ARHGAP44: variants seen among roughly 807,000 people sequenced by gnomAD.
ARHGAP44 encodes Rho GTPase activating protein 44.
Under a neutral mutation model 106.8 loss-of-function variants are expected in ARHGAP44, and 43 were observed. That is an observed-to-expected ratio of 0.40 (90% CI 0.32 to 0.52). The LOEUF (loss-of-function observed/expected upper bound fraction) is 0.52, where lower values mean the gene tolerates loss of function less well. ARHGAP44 is among the 20% of genes least tolerant of loss of function. ARHGAP44 has a pLI of 0.48. For synonymous variants in ARHGAP44, 439 were observed against 410.3 expected (o/e 1.07, Z -0.85); for missense variants, 866 against 1,050.5 (o/e 0.82, Z 2.43).
chr17:12,960,147 G>A (rs1302893846), intron 16 of ARHGAP44, among the ~76,000 whole-genome samples: 2 of 152,178 alleles, frequency 1.3e-5, no homozygotes, highest in African/African-American at 2.4e-5. Flanking sequence ...TGTGGCAGAT[G>A]GGAGTTGTTT....
chr17:12,914,746 A>G (rs1291023201), intron 4 of ARHGAP44, among the ~76,000 whole-genome samples: 1 of 151,030 alleles, frequency 6.6e-6, no homozygotes, highest in East Asian at 2.0e-4. Context: ...CAGTGAGCCA[A>G]GATCGTGCCA....
chr17:12,829,302 CCT>C (rs2035019723), intron 1 of ARHGAP44, among the ~76,000 whole-genome samples: 2 of 152,040 alleles, frequency 1.3e-5, no homozygotes, highest in African/African-American at 4.8e-5. Flanking sequence ...ACTTTCCTTT[CCT>C]CTGTTTGTCT....
intron 6 of ARHGAP44, among the ~76,000 whole-genome samples, chr17:12,923,947 C>G (rs567215398): frequency 7.9e-5 from 12 of 152,314 alleles, no homozygotes; most frequent in Admixed American, 7.8e-4. Flanking sequence ...TCCCCCCCTA[C>G]CCCCTGCATT....
At chr17:12,987,548 C>CCT (rs1318923202) in intron 20 of ARHGAP44, 8 of 161,672 alleles carry the variant, frequency 4.9e-5, no homozygotes, top group Non-Finnish European at 8.1e-5. Flanking sequence ...GGGACATGCA[C>CCT]CTGCTCACCT....
At chr17:12,953,005 T>A (rs1003347582) in intron 13 of ARHGAP44, among the ~76,000 whole-genome samples, 1 of 152,152 alleles carries the variant, frequency 6.6e-6, no homozygotes, top group Non-Finnish European at 1.5e-5. Flanking sequence ...AACCATTGGC[T>A]AATTCAGTTA....
At chr17:12,986,655 C>G (rs994837361) in intron 20 of ARHGAP44, 3 of 102,326 alleles carry the variant, frequency 2.9e-5, no homozygotes, top group African/African-American at 1.2e-4. Flanking sequence ...AGCCTGGCAA[C>G]AGAGCGAGAC....
At chr17:12,981,481 T>C (rs1309807539) in intron 19 of ARHGAP44, among the ~76,000 whole-genome samples, 1 of 151,316 alleles carries the variant, frequency 6.6e-6, no homozygotes, top group African/African-American at 2.4e-5. Flanking sequence ...CACTGCAACC[T>C]CCGCCTCCTG....
At chr17:12,865,036 A>C (rs2036195415) in intron 1 of ARHGAP44, among the ~76,000 whole-genome samples, 1 of 152,144 alleles carries the variant, frequency 6.6e-6, no homozygotes, top group Non-Finnish European at 1.5e-5. Context: ...AGAGAAGAAG[A>C]ATAATAGTTA....
chr17:12,946,061 A>C (rs898798953), intron 10 of ARHGAP44, among the ~76,000 whole-genome samples: 3 of 152,218 alleles, frequency 2.0e-5, no homozygotes, highest in Admixed American at 6.5e-5. Flanking sequence ...ACTGGGCCTC[A>C]ATTTAAAACC....
At chr17:12,819,308 A>G (rs2034692784) in intron 1 of ARHGAP44, among the ~76,000 whole-genome samples, 1 of 152,060 alleles carries the variant, frequency 6.6e-6, no homozygotes, top group South Asian at 2.1e-4. Flanking sequence ...TGTTGCTCAA[A>G]TATGCCATAA....
intron 1 of ARHGAP44, among the ~76,000 whole-genome samples, chr17:12,893,232 G>A (rs1281863394): frequency 6.6e-6 from 1 of 152,154 alleles, no homozygotes; most frequent in Admixed American, 6.5e-5. Context: ...CTTGGTGGGT[G>A]TGGGAGTTCT....
intron 1 of ARHGAP44, chr17:12,790,244 A>G: frequency 3.8e-6 from 1 of 265,558 alleles, no homozygotes; most frequent in Non-Finnish European, 7.1e-6. Context: ...GTTTGCTCTG[A>G]TTGTGCTGGA....
At chr17:12,871,451 G>A (rs2036405502) in intron 1 of ARHGAP44, among the ~76,000 whole-genome samples, 1 of 152,162 alleles carries the variant, frequency 6.6e-6, no homozygotes, top group Non-Finnish European at 1.5e-5. Context: ...TGGCTGGGAA[G>A]GCCTCAGGAA....
chr17:12,951,869 G>A (rs1332629202), intron 12 of ARHGAP44, among the ~76,000 whole-genome samples: 1 of 152,172 alleles, frequency 6.6e-6, no homozygotes, highest in Non-Finnish European at 1.5e-5. Context: ...GCTGGGTTCT[G>A]TGATTCAAAG....
At chr17:12,970,393 AAG>A (rs2039501422) in intron 16 of ARHGAP44, among the ~76,000 whole-genome samples, 1 of 150,070 alleles carries the variant, frequency 6.7e-6, no homozygotes. Flanking sequence ...AAAAAAGAAA[AAG>A]AAGAGAAGAG....
chr17:12,978,148 C>A (rs896483610), intron 18 of ARHGAP44, among the ~76,000 whole-genome samples: 1 of 151,756 alleles, frequency 6.6e-6, no homozygotes, highest in Non-Finnish European at 1.5e-5. Flanking sequence ...AGTCTACCCA[C>A]CCACAAGAAG....
rs775453450 is a variant in ARHGAP44, at chr17:12,949,187, A to G, written c.909A>G (p.Lys303=). 9 of 1,583,004 alleles carry G rather than the reference A, an allele frequency of 5.7e-6. No homozygotes were observed. In the African/African-American group the frequency reaches 9.4e-5, roughly 17 times the overall value. ...CTGCCTCCAAACTGAAGAAGCTGAAAGCGGCCCTGGACTGCTGCGTGGTGG... is the reference window on the plus strand; with the variant it reads ...CTGCCTCCAAACTGAAGAAGCTGAAGGCGGCCCTGGACTGCTGCGTGGTGG... ...APSASKLKKL[K]AALDCCVVDV... is the part of the protein sequence containing the mutation. Residue 303 remains lysine, a synonymous_variant, in exon 11 of 21, where the codon AAA becomes AAG. Coordinates refer to ENST00000379672, the MANE Select transcript of ARHGAP44 (RefSeq NM_014859.6). The surrounding 1 kb of genome is among the most constrained non-coding windows in gnomAD (Gnocchi z 4.1).
chr17:12,827,587 T>C (rs902787485), intron 1 of ARHGAP44, among the ~76,000 whole-genome samples: 1 of 152,200 alleles, frequency 6.6e-6, no homozygotes, highest in Non-Finnish European at 1.5e-5. Flanking sequence ...TTTTATTTAC[T>C]TCATGTATAT....
chr17:12,894,749 TG>T (rs1249556658), intron 1 of ARHGAP44, among the ~76,000 whole-genome samples, 190 bp from the exon 2 acceptor site: 1 of 152,138 alleles, frequency 6.6e-6, no homozygotes, highest in Non-Finnish European at 1.5e-5. Flanking sequence ...GTATCTGCTT[TG>T]CTGTGTTTGC....
Sources: allele counts gnomAD v4.1 joint callset (sites outside exome capture counted in the v4.1 genomes callset), GRCh38; gene constraint gnomAD v4.1.1; non-coding constraint Gnocchi (gnomAD v3.1); transcripts MANE v1.5; gene names NCBI Gene and HGNC (gene_info 2026-07-23, HGNC 2026-07-21).